CACHD1: variants seen among roughly 807,000 people sequenced by gnomAD.
The protein encoded by CACHD1 is VWFA and cache domain-containing protein 1.
A neutral mutation model predicts 138.7 loss-of-function variants in CACHD1; 71 were observed. The observed-to-expected ratio is 0.51, with a 90% CI of 0.42 to 0.62. The LOEUF (loss-of-function observed/expected upper bound fraction) is 0.62. Among genes scored for constraint, CACHD1 ranks in the 20% least tolerant of loss-of-function variants. The probability of loss-of-function intolerance (pLI) is 0.00; values close to 1 mark genes in which losing one functional copy is unlikely to be tolerated. For missense variants in CACHD1, 1,389 were observed against 1,625.3 expected, an observed-to-expected ratio of 0.85 and a Z score of 2.50; for synonymous variants, 578 against 591.5, an observed-to-expected ratio of 0.98 and a Z score of 0.33.
intron 4 of CACHD1, among the ~76,000 whole-genome samples, chr1:64,625,760 C>T (rs2100625721): frequency 6.6e-6 from 1 of 152,258 alleles, no homozygotes; most frequent in Non-Finnish European, 1.5e-5. Context: ...GTACCCCCTA[C>T]ATCTATAAAA....
intron 1 of CACHD1, among the ~76,000 whole-genome samples, chr1:64,540,270 T>A (rs1031671400): frequency 2.6e-5 from 4 of 152,094 alleles, no homozygotes; most frequent in Admixed American, 2.0e-4. Flanking sequence ...CCTCCTTTTT[T>A]TTTTCCTTTA....
At chr1:64,619,445 A>G (rs1647829839) in intron 4 of CACHD1, among the ~76,000 whole-genome samples, 1 of 152,206 alleles carries the variant, frequency 6.6e-6, no homozygotes, top group Non-Finnish European at 1.5e-5. Flanking sequence ...AAGTCCTTAC[A>G]CGGAGGGTGA....
Position 64,522,552 on chromosome 1 carries a change from C to T in CACHD1, c.199-28042C>T, listed in dbSNP as rs568051077. ...TCCTGACCTCAAGTGATCCGCCTGC[C>T]CGCTTCAGCCTCCCAAAGTGTTGGG... On this transcript the variant is annotated intron_variant, in intron 1 of 26. Coordinates refer to ENST00000651257, the MANE Select transcript of CACHD1 (RefSeq NM_020925.4). 9.2e-4 allele frequency among the ~76,000 whole-genome samples: 86 copies of T among 93,142 alleles called. 1 individual carries two copies. The highest frequency in any genetic ancestry group is 2.2e-3 in the Non-Finnish European group (78 of 35,254). 61.1% of individuals were successfully genotyped at this position (93,142 alleles called of 152,430 possible). A position where few individuals can be genotyped will look rare whatever the true frequency, so the allele number is the denominator to read the frequency against.
chr1:64,675,268 C>A, intron 19 of CACHD1, 133 bp from the exon 20 acceptor site: 1 of 622,466 alleles, frequency 1.6e-6, no homozygotes, highest in Non-Finnish European at 2.6e-6. Flanking sequence ...TATTTTTTAA[C>A]AGTGACTTTT....
intron 7 of CACHD1, among the ~76,000 whole-genome samples, chr1:64,637,767 C>CAAA (rs1185520961): frequency 6.6e-6 from 1 of 152,122 alleles, no homozygotes; most frequent in Non-Finnish European, 1.5e-5. Context: ...CTTTTACTGA[C>CAAA]AGTTTAGAGA....
intron 22 of CACHD1, among the ~76,000 whole-genome samples, 169 bp downstream of exon 22, chr1:64,677,180 G>T (rs774301724): frequency 6.6e-6 from 1 of 152,036 alleles, no homozygotes; most frequent in African/African-American, 2.4e-5. Flanking sequence ...CGTATTTAGC[G>T]TGTGTACCAT....
chr1:64,660,233 G>C (rs1649396530), intron 13 of CACHD1, among the ~76,000 whole-genome samples: 1 of 152,144 alleles, frequency 6.6e-6, no homozygotes, highest in South Asian at 2.1e-4. Flanking sequence ...TTTGAAATTT[G>C]AGACAATAAA....
At chr1:64,553,060 G>A (rs142514712) in intron 2 of CACHD1, among the ~76,000 whole-genome samples, 432 of 152,314 alleles carry the variant, frequency 2.8e-3, no homozygotes, top group African/African-American at 1.0e-2. Context: ...AATGAGGACA[G>A]TTGTGTCGTT....
intron 4 of CACHD1, among the ~76,000 whole-genome samples, chr1:64,623,770 G>C (rs1647998999): frequency 6.6e-6 from 1 of 152,196 alleles, no homozygotes; most frequent in South Asian, 2.1e-4. Context: ...TCCTGCACAT[G>C]TGTCTGTCTG....
intron 4 of CACHD1, among the ~76,000 whole-genome samples, chr1:64,605,196 C>T (rs1647300394): frequency 6.6e-6 from 1 of 151,962 alleles, no homozygotes; most frequent in Non-Finnish European, 1.5e-5. Context: ...AACTCCTAAA[C>T]TCAGGTGGTC....
intron 2 of CACHD1, among the ~76,000 whole-genome samples, chr1:64,569,729 G>T (rs781581903): frequency 6.6e-6 from 1 of 150,482 alleles, no homozygotes; most frequent in Non-Finnish European, 1.5e-5. Flanking sequence ...CTATGTATGT[G>T]CAGATGTCTT....
At chr1:64,542,977 A>G (rs1426890421) in intron 1 of CACHD1, among the ~76,000 whole-genome samples, 2 of 148,296 alleles carry the variant, frequency 1.3e-5, no homozygotes, top group Non-Finnish European at 2.9e-5. Flanking sequence ...TAGTACATCC[A>G]CACACACATC....
At chr1:64,481,655 A>C (rs1000394930) in intron 1 of CACHD1, among the ~76,000 whole-genome samples, 1 of 152,226 alleles carries the variant, frequency 6.6e-6, no homozygotes, top group Non-Finnish European at 1.5e-5. Flanking sequence ...AGCAGGAGAA[A>C]ATCCAAGTGT....
At chr1:64,653,576 C>T (rs140305466) in intron 10 of CACHD1, among the ~76,000 whole-genome samples, 182 bp from the exon 11 acceptor site, 138 of 152,182 alleles carry the variant, frequency 9.1e-4, no homozygotes, top group African/African-American at 2.9e-3. Flanking sequence ...CATCTTTCTA[C>T]GCCTCAAGAG....
chr1:64,513,537 G>A (rs1646437172), intron 1 of CACHD1, among the ~76,000 whole-genome samples: 1 of 152,204 alleles, frequency 6.6e-6, no homozygotes, highest in African/African-American at 2.4e-5. Context: ...GGGTGGAAGT[G>A]ATACAGGTAG....
intron 21 of CACHD1, 55 bp downstream of exon 21, chr1:64,676,038 A>ATAC (rs1428098619): frequency 6.3e-6 from 3 of 475,742 alleles, no homozygotes; most frequent in Non-Finnish European, 9.0e-6. Flanking sequence ...AATAATAATA[A>ATAC]TACATATGTA....
At chr1:64,548,783 G>A (rs983721061) in intron 1 of CACHD1, among the ~76,000 whole-genome samples, 7 of 152,180 alleles carry the variant, frequency 4.6e-5, no homozygotes, top group Non-Finnish European at 1.0e-4. Context: ...AGGCTATTCC[G>A]TATTTTGCTA....
At chr1:64,555,147 C>A (rs1646787304) in intron 2 of CACHD1, among the ~76,000 whole-genome samples, 2 of 152,120 alleles carry the variant, frequency 1.3e-5, no homozygotes, top group Non-Finnish European at 2.9e-5. Context: ...CACCACCATG[C>A]CCAGTTCATT....
At chr1:64,518,267 A>G (rs1296300015) in intron 1 of CACHD1, among the ~76,000 whole-genome samples, 4 of 147,992 alleles carry the variant, frequency 2.7e-5, no homozygotes, top group Non-Finnish European at 4.5e-5. Context: ...TTTCTGTGCT[A>G]CTTCTCCAGT....
Sources: gnomAD v4.1 joint callset for allele counts (sites outside exome capture counted in the v4.1 genomes callset) on GRCh38, gnomAD v4.1.1 for gene constraint, MANE v1.5 for transcripts, NCBI Gene and HGNC (gene_info 2026-07-23, HGNC 2026-07-21) for gene names.